Variants in GLDC observed in about 807,000 individuals in gnomAD.
GLDC encodes the protein glycine dehydrogenase (decarboxylating), mitochondrial.
GLDC carries 104 observed loss-of-function variants against 121.3 expected under a neutral mutation model. The ratio of observed to expected loss-of-function variants is 0.86; its 90% confidence interval spans 0.73 to 1.01. The LOEUF (loss-of-function observed/expected upper bound fraction) is 1.01. Ranked by LOEUF, GLDC falls within the 50% of genes least tolerant of loss-of-function variation. The pLI is 0.00. For synonymous variants in GLDC, 546 were observed against 480.6 expected, an observed-to-expected ratio of 1.14 and a Z score of -1.78; for missense variants, 1,429 against 1,306.6, an observed-to-expected ratio of 1.09 and a Z score of -1.44.
chr9:6,634,123 C>G (rs1819449998), intron 2 of GLDC, among the ~76,000 whole-genome samples: 1 of 152,002 alleles, frequency 6.6e-6, no homozygotes, highest in Non-Finnish European at 1.5e-5. Context: ...AGCCACCGCG[C>G]CCGGCAGAGG....
intron 15 of GLDC, chr9:6,569,111 G>T (rs1316359256): frequency 2.0e-5 from 3 of 151,998 alleles, no homozygotes; most frequent in Middle Eastern, 3.2e-3. Flanking sequence ...TATAACCCAG[G>T]CCCTTTCAGT....
At position 6,642,905 on chromosome 9, in the gene GLDC, C is replaced by CT. The variant is rs1192313291; in HGVS notation, c.334+1708dup. On this transcript the variant is annotated intron_variant, in intron 2 of 24. Coordinates refer to ENST00000321612, the MANE Select transcript of GLDC (RefSeq NM_000170.3). Reference sequence around the variant, plus strand: ...TTCTGATTTTTTCTTTTCTTCCTTTCTCTTTTTTTTTTAGACAGGGTCTCA... The same window carrying CT: ...TTCTGATTTTTTCTTTTCTTCCTTTCTTCTTTTTTTTTTAGACAGGGTCTCA... Among the ~76,000 whole-genome samples the CT allele has an allele frequency of 2.9e-5, 4 of 138,762 alleles. No homozygotes were observed. In the East Asian group the frequency reaches 8.3e-4, roughly 29 times the overall value. The allele number at this position is 138,762 out of a possible 152,430, so 91.0% of individuals were successfully genotyped here.
intron 16 of GLDC, among the ~76,000 whole-genome samples, chr9:6,564,426 C>T (rs923617004): frequency 6.6e-6 from 1 of 152,130 alleles, no homozygotes; most frequent in Admixed American, 6.5e-5. Flanking sequence ...GGCAACTAGC[C>T]ATAAGTAACC....
chr9:6,553,282 A>T, intron 20 of GLDC, 86 bp downstream of exon 20: 1 of 1,197,128 alleles, frequency 8.4e-7, no homozygotes, highest in Non-Finnish European at 1.2e-6. Context: ...ATTTGTTTTT[A>T]AGCCAAGAAG....
intron 16 of GLDC, among the ~76,000 whole-genome samples, chr9:6,562,393 T>A (rs552898965): frequency 1.3e-5 from 2 of 152,200 alleles, no homozygotes; most frequent in Admixed American, 1.3e-4. Context: ...TCCCTGCACA[T>A]GACTTCCCCA....
In GLDC at chr9:6,553,378, G is replaced by A. The variant is rs2129714588; in HGVS notation, c.2447C>T (p.Ala816Val). Residue 816 changes from alanine to valine, a missense_variant, in exon 20 of 25, where the codon GCT (alanine) becomes GTT (valine). Coordinates refer to ENST00000321612, the MANE Select transcript of GLDC (RefSeq NM_000170.3). ...GSSSILPISWAYIKMMGGKGL... is the reference protein window; with the variant it reads ...GSSSILPISWVYIKMMGGKGL... ...ACTCCCAGGCCTCACCTTGATATAAGCCCAGGAAATGGGCAAGATGGAACT... is the reference window on the plus strand; with the variant it reads ...ACTCCCAGGCCTCACCTTGATATAAACCCAGGAAATGGGCAAGATGGAACT... The A allele has an allele frequency of 1.9e-6, 3 of 1,613,988 alleles. No homozygotes were observed. The highest frequency in any genetic ancestry group is 2.5e-6 in the Non-Finnish European group (3 of 1,179,930).
chr9:6,592,663 C>T (rs2129852227), intron 10 of GLDC, among the ~76,000 whole-genome samples, 188 bp downstream of exon 10: 1 of 152,264 alleles, frequency 6.6e-6, no homozygotes, highest in East Asian at 1.9e-4. Context: ...TAAAAGAAAG[C>T]AAAGGGTGAA....
intron 5 of GLDC, chr9:6,605,828 C>A (rs532163836): frequency 1.0e-5 from 2 of 199,406 alleles, no homozygotes; most frequent in Admixed American, 5.3e-5. Flanking sequence ...GATTACAGCA[C>A]GAAAGAAAAG....
chr9:6,614,482 A>G (rs1046359361), intron 3 of GLDC, among the ~76,000 whole-genome samples: 4 of 150,374 alleles, frequency 2.7e-5, no homozygotes, highest in Non-Finnish European at 5.9e-5. Context: ...AGACCCACCC[A>G]CCTCAGCCTC....
At chr9:6,589,113 C>T (rs776050630) in intron 12 of GLDC, 82 bp downstream of exon 12, 16 of 882,124 alleles carry the variant, frequency 1.8e-5, no homozygotes, top group Middle Eastern at 3.1e-4. Context: ...CCACAGCAGG[C>T]GAAATCAGCA....
At chr9:6,546,857 GAAGCT>G (rs1817402979) in intron 21 of GLDC, among the ~76,000 whole-genome samples, 1 of 151,978 alleles carries the variant, frequency 6.6e-6, no homozygotes, top group African/African-American at 2.4e-5. Flanking sequence ...AGCTACTGGG[GAAGCT>G]GAGGCAGGAG....
At chr9:6,554,986 G>C in intron 18 of GLDC, 1 of 626,782 alleles carries the variant, frequency 1.6e-6, no homozygotes, top group Admixed American at 2.6e-5. Flanking sequence ...GCTTGTGGTT[G>C]CTATGGAAAT....
chr9:6,604,488 C>T, intron 7 of GLDC, 100 bp downstream of exon 7: 2 of 1,102,826 alleles, frequency 1.8e-6, no homozygotes, highest in Admixed American at 1.7e-5. Context: ...ACTGACTCAA[C>T]ATGGCCCAGT....
intron 22 of GLDC, among the ~76,000 whole-genome samples, chr9:6,539,383 G>A (rs1163169437): frequency 6.6e-6 from 1 of 152,122 alleles, no homozygotes; most frequent in African/African-American, 2.4e-5. Context: ...GGAGGCTGAG[G>A]CATGAGAATC....
intron 22 of GLDC, among the ~76,000 whole-genome samples, chr9:6,539,655 T>C (rs1335372961): frequency 6.6e-6 from 1 of 152,220 alleles, no homozygotes; most frequent in Non-Finnish European, 1.5e-5. Flanking sequence ...ACTACACTTA[T>C]TTCTTCATCT....
At chr9:6,641,854 G>A (rs1364555111) in intron 2 of GLDC, among the ~76,000 whole-genome samples, 2 of 152,098 alleles carry the variant, frequency 1.3e-5, no homozygotes, top group Non-Finnish European at 2.9e-5. Context: ...TCTGTACATG[G>A]CAAATAAATA....
At chr9:6,594,582 T>A (rs1268242672) in intron 9 of GLDC, among the ~76,000 whole-genome samples, 1 of 151,898 alleles carries the variant, frequency 6.6e-6, no homozygotes, top group Non-Finnish European at 1.5e-5. Flanking sequence ...TTAATCCCAG[T>A]TACCTGAGAG....
In GLDC at chr9:6,538,152, G is replaced by A. The variant is rs553020950; in HGVS notation, c.2665+1899C>T. Reference sequence around the variant, plus strand: ...AGAGAACAAGCTGATTACCTATCACGTCTGCCCTTAATTCCATGTGTGAGC... The same window carrying A: ...AGAGAACAAGCTGATTACCTATCACATCTGCCCTTAATTCCATGTGTGAGC... On this transcript the variant is annotated intron_variant, in intron 22 of 24. Transcript: ENST00000321612. Among the ~76,000 whole-genome samples the A allele has an allele frequency of 7.3e-5, 11 of 150,836 alleles. No homozygotes were observed. The East Asian group carries it at 7.8e-4, about 11-fold the overall frequency.
intron 8 of GLDC, among the ~76,000 whole-genome samples, chr9:6,599,989 G>A (rs888685867): frequency 6.6e-6 from 1 of 152,154 alleles, no homozygotes. Flanking sequence ...GGTGGTTCTA[G>A]ACGCCAAAGC....
Sources: gnomAD v4.1 joint callset for allele counts (sites outside exome capture counted in the v4.1 genomes callset) on GRCh38, gnomAD v4.1.1 for gene constraint, MANE v1.5 for transcripts, NCBI Gene and HGNC (gene_info 2026-07-23, HGNC 2026-07-21) for gene names.